The following SANBR variants were observed in gnomAD, a reference collection of about 807,000 sequenced individuals.
SANBR encodes SANT and BTB domain regulator of CSR.
SANBR carries 77 observed loss-of-function variants against 101.8 expected under a neutral mutation model. The ratio of observed to expected loss-of-function variants is 0.76; its 90% CI spans 0.63 to 0.91. SANBR has a LOEUF of 0.91. Ranked by LOEUF, SANBR falls within the 40% of genes least tolerant of loss-of-function variation. SANBR has a pLI of 0.00. For synonymous variants in SANBR, 279 were observed against 274.7 expected (o/e 1.02, Z -0.15); for missense variants, 875 against 853.0 (o/e 1.03, Z -0.32).
At chr2:61,125,913 C>G (rs923215666), downstream of SANBR, among the ~76,000 whole-genome samples, 18 of 152,178 alleles carry the variant, frequency 1.2e-4, no homozygotes, top group African/African-American at 4.1e-4. Context: ...CCAACACCTT[C>G]TTGAAATAGT....
rs2104976349 is a variant in SANBR, at chr2:61,122,749, T to C, written c.*587T>C. ...CAGAAGGGTTAATTTTTTTCAGCAT[T>C]ATATCGTGGAAAGTACAATGTTAAT... On this transcript the variant is annotated 3_prime_UTR_variant, in exon 22 of 22. Coordinates refer to ENST00000402291, the MANE Select transcript of SANBR (RefSeq NM_001129993.3). 6.1e-6 allele frequency: 6 copies of C among 985,426 alleles called. No individual in the cohort carries two copies. Among genetic ancestry groups the C allele is most frequent in the Non-Finnish European group, 7.2e-6 (6 of 829,790 alleles). 61.0% of individuals were successfully genotyped at this position (985,426 alleles called of 1,614,324 possible). A position where few individuals can be genotyped will look rare whatever the true frequency, so the allele number is the denominator to read the frequency against.
chr2:61,121,624 C>A (rs1010791042), intron 21 of SANBR: 5 of 176,466 alleles, frequency 2.8e-5, no homozygotes, highest in African/African-American at 9.6e-5. Flanking sequence ...GTAATCTTTA[C>A]CACTCCTTGC....
At chr2:61,078,525 G>A (rs569458589) in intron 6 of SANBR, among the ~76,000 whole-genome samples, 7 of 152,006 alleles carry the variant, frequency 4.6e-5, no homozygotes, top group East Asian at 2.0e-4. Flanking sequence ...GGGTTCAAGC[G>A]GTTCTCCTGC....
chr2:61,110,150 T>A (rs1203177982), intron 16 of SANBR, among the ~76,000 whole-genome samples: 1 of 152,252 alleles, frequency 6.6e-6, no homozygotes, highest in Non-Finnish European at 1.5e-5. Context: ...AGTAATCTTT[T>A]GTCTCTGGCT....
At chr2:61,094,690 C>G in intron 11 of SANBR, among the ~76,000 whole-genome samples, 1 of 146,034 alleles carries the variant, frequency 6.8e-6, no homozygotes, top group African/African-American at 2.5e-5. Flanking sequence ...GTTGCCCAAC[C>G]TGGAGTGCGC....
At chr2:61,120,074 A>G (rs1684259752) in intron 20 of SANBR, among the ~76,000 whole-genome samples, 1 of 152,206 alleles carries the variant, frequency 6.6e-6, no homozygotes, top group Non-Finnish European at 1.5e-5. Flanking sequence ...TAGTTTGGCA[A>G]TTTCTTATAG....
At position 61,117,363 on chromosome 2, in the gene SANBR, T is replaced by A. The variant is rs1684122751; in HGVS notation, c.1843T>A (p.Ser615Thr). ...GTTGTCTACTTTTTTTTAGTCAGCT[T>A]CTAGAGATGTGTCTCCTTTCGTGTG... is the stretch of plus-strand genomic sequence containing the variant. ...RKEKALEKSASRDVSPFVMSM... is the reference protein window; with the variant it reads ...RKEKALEKSATRDVSPFVMSM... The change falls in exon 18 of 22, where the codon TCT becomes ACT. Residue 615 changes from serine (S) to threonine (T), a missense_variant. Ser to Thr is a moderately conservative substitution (Grantham distance 58). Coordinates refer to ENST00000402291, the MANE Select transcript of SANBR (RefSeq NM_001129993.3). 1 of 1,613,708 alleles carries A rather than the reference T, an allele frequency of 6.2e-7. No individual in the cohort carries two copies. The highest frequency in any genetic ancestry group is 1.3e-5 in the African/African-American group (1 of 74,912).
intron 7 of SANBR, among the ~76,000 whole-genome samples, chr2:61,082,669 A>G (rs1434321819): frequency 6.6e-6 from 1 of 152,134 alleles, no homozygotes. Flanking sequence ...AAATACAAAA[A>G]TTAGCCAGGC....
intron 5 of SANBR, among the ~76,000 whole-genome samples, chr2:61,076,641 A>G (rs76920022): frequency 6.6e-6 from 1 of 151,192 alleles, no homozygotes; most frequent in Admixed American, 6.6e-5. Flanking sequence ...AAAAAAAAAA[A>G]AGAAAGAAAA....
chr2:61,091,961 A>C (rs752475192), intron 10 of SANBR, among the ~76,000 whole-genome samples: 22 of 152,224 alleles, frequency 1.4e-4, no homozygotes, highest in Non-Finnish European at 2.5e-4. Context: ...TAATACATTA[A>C]TGAAATGTTA....
chr2:61,086,143 A>G (rs1682416085), intron 8 of SANBR, among the ~76,000 whole-genome samples: 1 of 151,942 alleles, frequency 6.6e-6, no homozygotes, highest in African/African-American at 2.4e-5. Flanking sequence ...CAATGTAGAG[A>G]TATTTTTCCT....
At chr2:61,078,758 G>T (rs775327108) in intron 6 of SANBR, among the ~76,000 whole-genome samples, 3 of 152,098 alleles carry the variant, frequency 2.0e-5, no homozygotes, top group Non-Finnish European at 4.4e-5. Flanking sequence ...GTTATTTTAG[G>T]CAGGGCATGG....
At chr2:61,066,452 G>C (rs903578525) in intron 1 of SANBR, 1 of 152,680 alleles carries the variant, frequency 6.5e-6, no homozygotes, top group African/African-American at 2.4e-5. Flanking sequence ...GAGCCTCCGG[G>C]CCCAAGGTTT....
At chr2:61,130,189 A>AT (rs547488031) in intron 20 of SANBR, among the ~76,000 whole-genome samples, 25 of 151,938 alleles carry the variant, frequency 1.6e-4, no homozygotes, top group Non-Finnish European at 3.5e-4. Flanking sequence ...TTTTTAAATG[A>AT]TTTTTTACTA....
chr2:61,113,861 A>G (rs377737016), intron 16 of SANBR, among the ~76,000 whole-genome samples: 75 of 152,276 alleles, frequency 4.9e-4, no homozygotes, highest in African/African-American at 1.8e-3. Context: ...TTAAGTATGT[A>G]ATGTCAGTTG....
intron 2 of SANBR, among the ~76,000 whole-genome samples, 170 bp from the exon 3 acceptor site, chr2:61,070,172 C>T (rs1209882429): frequency 6.6e-6 from 1 of 152,154 alleles, no homozygotes; most frequent in Admixed American, 6.5e-5. Context: ...ATATTCAAAT[C>T]CTTTTTTGTG....
At chr2:61,080,566 CA>C (rs1412046158) in intron 6 of SANBR, among the ~76,000 whole-genome samples, 4 of 152,022 alleles carry the variant, frequency 2.6e-5, no homozygotes, top group Non-Finnish European at 4.4e-5. Flanking sequence ...ACTAAAAATA[CA>C]AAAATTAGCT....
intron 11 of SANBR, 103 bp downstream of exon 11, chr2:61,092,690 T>C (rs1284401963): frequency 9.2e-6 from 9 of 974,582 alleles, no homozygotes; most frequent in Non-Finnish European, 1.3e-5. Flanking sequence ...TTTGACAATA[T>C]CCAACATCTT....
intron 21 of SANBR, chr2:61,134,330 G>C: frequency 6.7e-7 from 1 of 1,492,870 alleles, no homozygotes; most frequent in South Asian, 1.3e-5. Context: ...AAGACTTTTA[G>C]AAATAACTGT....
Sources: allele counts gnomAD v4.1 joint callset (sites outside exome capture counted in the v4.1 genomes callset), GRCh38; gene constraint gnomAD v4.1.1; transcripts MANE v1.5; gene names NCBI Gene and HGNC (gene_info 2026-07-23, HGNC 2026-07-21).